RAPGEF2: variants seen among roughly 807,000 people sequenced by gnomAD.
RAPGEF2 encodes the protein Rap guanine nucleotide exchange factor 2.
In RAPGEF2, 54 loss-of-function variants were observed where a neutral mutation model predicts 186.7. That is an observed-to-expected ratio of 0.29 (90% CI 0.23 to 0.36). RAPGEF2 has a LOEUF of 0.36. Ranked by LOEUF, RAPGEF2 falls within the 10% of genes least tolerant of loss-of-function variation. The pLI, the probability that RAPGEF2 is intolerant of heterozygous loss-of-function variation, is 1.00. For missense variants in RAPGEF2, 1,532 were observed against 2,045.0 expected, an observed-to-expected ratio of 0.75 and a Z score of 4.84; for synonymous variants, 712 against 705.9, an observed-to-expected ratio of 1.01 and a Z score of -0.14.
intron 7 of RAPGEF2, among the ~76,000 whole-genome samples, chr4:159,288,044 C>T (rs1263357403): frequency 6.6e-6 from 1 of 152,126 alleles, no homozygotes; most frequent in African/African-American, 2.4e-5. Flanking sequence ...ATGTCTGTTC[C>T]ACACTTGTGA....
At chr4:159,155,255 C>T (rs1351537298) in intron 1 of RAPGEF2, among the ~76,000 whole-genome samples, 3 of 152,146 alleles carry the variant, frequency 2.0e-5, no homozygotes, top group Admixed American at 2.0e-4. Flanking sequence ...TTGGCAAACA[C>T]AGCATTTAAA....
chr4:159,106,470 A>G (rs1235863025), intron 1 of RAPGEF2, among the ~76,000 whole-genome samples: 1 of 152,192 alleles, frequency 6.6e-6, no homozygotes, highest in South Asian at 2.1e-4. Flanking sequence ...TTGTTAATGG[A>G]ACGCTGGAAG....
chr4:159,282,829 A>G (rs368394359), intron 7 of RAPGEF2, among the ~76,000 whole-genome samples: 8 of 152,338 alleles, frequency 5.3e-5, no homozygotes, highest in Admixed American at 2.6e-4. Flanking sequence ...ATGTGATTCA[A>G]GGATTTAAAA....
In RAPGEF2 at chr4:159,210,517, C is replaced by A; in HGVS notation, c.215C>A (p.Thr72Asn). 2 of 1,533,976 alleles carry A rather than the reference C, an allele frequency of 1.3e-6. No homozygotes were observed. Among genetic ancestry groups the A allele is most frequent in the Non-Finnish European group, 1.7e-6 (2 of 1,145,236 alleles). ...CTTTTCAGCCCTGATGATATTGGGA[C>A]CTGCTGGTATATCCTTCTTTCTGGT... ...EVLYYPDDIG[T>N]CWYILLSGSV... is the part of the protein sequence containing the mutation. The change falls in exon 4 of 30, where the codon ACC becomes AAC. Residue 72 changes from threonine to asparagine, a missense_variant. By Grantham distance (65) the Thr-to-Asn change is moderately conservative (BLOSUM62 0). Around this residue, in one of 4 missense-constraint regions of RAPGEF2, gnomAD observed 810 missense variants for 1,210.5 expected, o/e 0.67. Transcript: ENST00000691494.
Position 159,332,566 on chromosome 4 carries a change from A to G in RAPGEF2, c.2004A>G (p.Val668=). The G allele has an allele frequency of 6.2e-7, 1 of 1,614,176 alleles. No individual in the cohort carries two copies. Among genetic ancestry groups the G allele is most frequent in the Non-Finnish European group, 8.5e-7 (1 of 1,180,016 alleles). ...ASRYSIPDLA[V]DVEQVIGLEK... ...GCTACTCCATTCCAGATCTTGCTGT[A>G]GATGTAGAACAGGTGATAGGACTTG... is the stretch of plus-strand genomic sequence containing the variant. Residue 668 remains valine, a synonymous_variant, in exon 17 of 30, where the codon GTA becomes GTG. Transcript: ENST00000691494.
intron 1 of RAPGEF2, among the ~76,000 whole-genome samples, chr4:159,184,711 T>C (rs1747381073): frequency 6.6e-6 from 1 of 152,222 alleles, no homozygotes; most frequent in Middle Eastern, 3.2e-3. Flanking sequence ...ACTCTGATGG[T>C]AGTTTCTTTT....
At chr4:159,247,228 G>T (rs888442860) in intron 7 of RAPGEF2, among the ~76,000 whole-genome samples, 3 of 151,952 alleles carry the variant, frequency 2.0e-5, no homozygotes, top group African/African-American at 7.3e-5. Flanking sequence ...AATATTCATT[G>T]AGTGCCCACC....
At chr4:159,315,165 G>A (rs1764412736) in intron 9 of RAPGEF2, among the ~76,000 whole-genome samples, 1 of 152,136 alleles carries the variant, frequency 6.6e-6, no homozygotes, top group Non-Finnish European at 1.5e-5. Flanking sequence ...AATTGTCACA[G>A]TGATTTGCTT....
At chr4:159,210,475 T>C in intron 3 of RAPGEF2, 25 bp from the exon 4 acceptor site, 1 of 1,474,714 alleles carries the variant, frequency 6.8e-7, no homozygotes, top group Non-Finnish European at 9.2e-7. Flanking sequence ...GGTAACAATC[T>C]GATTCTGTTA....
rs1194448336 is a variant in RAPGEF2, at chr4:159,345,233, C to G, written c.3406C>G (p.Arg1136Gly). The change falls in exon 24 of 30, where the codon CGA (arginine) becomes GGA (glycine). Residue 1136 changes from arginine to glycine, a missense_variant. Coordinates refer to ENST00000691494, the MANE Select transcript of RAPGEF2 (RefSeq NM_001394067.2). ...KKLYEDAQMA[R>G]KVKQYLSNLE... ...GCTTTATGAAGATGCCCAAATGGCT[C>G]GAAAAGTGAAGCAGTACCTTTCCAA... The G allele has an allele frequency of 6.2e-7, 1 of 1,614,090 alleles. No homozygotes were observed. The highest frequency in any genetic ancestry group is 1.1e-5 in the South Asian group (1 of 91,084).
At chr4:159,356,186 C>A in intron 29 of RAPGEF2, 28 bp downstream of exon 29, 1 of 1,592,628 alleles carries the variant, frequency 6.3e-7, no homozygotes. Flanking sequence ...TTCCTAAAAC[C>A]TCCAAGTTAG....
chr4:159,164,557 T>C (rs900340250), intron 1 of RAPGEF2, among the ~76,000 whole-genome samples: 2 of 152,134 alleles, frequency 1.3e-5, no homozygotes, highest in Admixed American at 1.3e-4. Flanking sequence ...ATTATCTACA[T>C]GTGAAATTTC....
At chr4:159,112,177 C>T (rs1738569390) in intron 1 of RAPGEF2, among the ~76,000 whole-genome samples, 1 of 152,108 alleles carries the variant, frequency 6.6e-6, no homozygotes, top group African/African-American at 2.4e-5. Context: ...ATAGTTTGGC[C>T]TTGTGCTTCT....
chr4:159,179,598 G>GT (rs1490412138), intron 1 of RAPGEF2, among the ~76,000 whole-genome samples: 3 of 152,086 alleles, frequency 2.0e-5, no homozygotes, highest in African/African-American at 4.8e-5. Context: ...TTGCCTTTCT[G>GT]TTTTTTTGCT....
chr4:159,331,281 T>A, intron 13 of RAPGEF2, 150 bp from the exon 14 acceptor site: 4 of 559,368 alleles, frequency 7.2e-6, no homozygotes. Context: ...CAGAAGGTCA[T>A]CCTCATTTAA....
At chr4:159,254,815 G>A (rs1755945593) in intron 7 of RAPGEF2, among the ~76,000 whole-genome samples, 1 of 151,990 alleles carries the variant, frequency 6.6e-6, no homozygotes, top group Admixed American at 6.6e-5. Context: ...TGGCCAGGCT[G>A]GTCTCGAACT....
chr4:159,224,255 A>G (rs1751804440), intron 4 of RAPGEF2, among the ~76,000 whole-genome samples: 3 of 152,164 alleles, frequency 2.0e-5, no homozygotes, highest in Admixed American at 6.5e-5. Context: ...GTTTGAAAGC[A>G]TCATTGTGGC....
chr4:159,182,000 T>G (rs571025667), intron 1 of RAPGEF2, among the ~76,000 whole-genome samples: 146 of 152,346 alleles, frequency 9.6e-4, no homozygotes, highest in African/African-American at 3.5e-3. Context: ...TAGAACATTA[T>G]GATTGGAGCC....
chr4:159,141,854 A>G (rs1742374502), intron 1 of RAPGEF2, among the ~76,000 whole-genome samples: 1 of 152,178 alleles, frequency 6.6e-6, no homozygotes, highest in Non-Finnish European at 1.5e-5. Context: ...CCAGTTTTAC[A>G]TTTACTTCAG....
Sources: allele counts gnomAD v4.1 joint callset (sites outside exome capture counted in the v4.1 genomes callset), GRCh38; gene constraint gnomAD v4.1.1; regional missense constraint gnomAD v4.1.1; transcripts MANE v1.5; gene names NCBI Gene and HGNC (gene_info 2026-07-23, HGNC 2026-07-21).